The following ADCY2 variants were observed in gnomAD, a reference collection of about 807,000 sequenced individuals.
ADCY2 encodes the protein adenylate cyclase type 2.
In ADCY2, 31 loss-of-function variants were observed where a neutral mutation model predicts 125.2. The ratio of observed to expected loss-of-function variants is 0.25; its 90% CI spans 0.19 to 0.33. The LOEUF is 0.33. Ranked by LOEUF, ADCY2 falls within the 10% of genes least tolerant of loss-of-function variation. The pLI is 1.00. For synonymous variants in ADCY2, 512 were observed against 548.4 expected, an observed-to-expected ratio of 0.93 and a Z score of 0.93; for missense variants, 904 against 1,418.2, an observed-to-expected ratio of 0.64 and a Z score of 5.82.
intron 3 of ADCY2, among the ~76,000 whole-genome samples, chr5:7,546,457 T>C (rs915156791): frequency 1.3e-5 from 2 of 152,112 alleles, no homozygotes; most frequent in Non-Finnish European, 2.9e-5. Flanking sequence ...CTGGGAGAGA[T>C]GAAGCGACTG....
intron 18 of ADCY2, among the ~76,000 whole-genome samples, chr5:7,778,237 G>A (rs1743804303): frequency 6.6e-6 from 1 of 152,232 alleles, no homozygotes; most frequent in African/African-American, 2.4e-5. Context: ...TCTGCAAGAA[G>A]TTGTCAAATT....
chr5:7,415,178 CATTATT>C (rs768647838), intron 2 of ADCY2, among the ~76,000 whole-genome samples: 54 of 152,248 alleles, frequency 3.5e-4, no homozygotes, highest in Admixed American at 6.5e-4. Flanking sequence ...ATATACAATA[CATTATT>C]ATTAACTATG....
At chr5:7,760,766 A>T (rs933856953) in intron 16 of ADCY2, among the ~76,000 whole-genome samples, 1 of 152,174 alleles carries the variant, frequency 6.6e-6, no homozygotes, top group Non-Finnish European at 1.5e-5. Flanking sequence ...TGATTAGAGC[A>T]CCTAAAATCT....
chr5:7,600,095 T>C (rs942959476), intron 3 of ADCY2, among the ~76,000 whole-genome samples: 3 of 152,168 alleles, frequency 2.0e-5, no homozygotes, highest in African/African-American at 7.2e-5. Context: ...CTATGTGGGA[T>C]GGACTTCAGG....
At chr5:7,676,173 T>C (rs1366063214) in intron 4 of ADCY2, among the ~76,000 whole-genome samples, 2 of 152,214 alleles carry the variant, frequency 1.3e-5, no homozygotes, top group African/African-American at 4.8e-5. Context: ...AAGCCTGAGA[T>C]TCATCTACTG....
intron 2 of ADCY2, among the ~76,000 whole-genome samples, chr5:7,455,829 C>T (rs1449981955): frequency 7.0e-6 from 1 of 143,454 alleles, no homozygotes; most frequent in African/African-American, 2.5e-5. Flanking sequence ...ATTATAATGG[C>T]ATACTACATA....
At chr5:7,637,549 T>C (rs1738555014) in intron 4 of ADCY2, among the ~76,000 whole-genome samples, 1 of 152,116 alleles carries the variant, frequency 6.6e-6, no homozygotes, top group Non-Finnish European at 1.5e-5. Context: ...GCTAATGTTC[T>C]AGTAATAGCT....
chr5:7,564,169 T>A (rs1323908203), intron 3 of ADCY2, among the ~76,000 whole-genome samples: 2 of 152,172 alleles, frequency 1.3e-5, no homozygotes, highest in African/African-American at 4.8e-5. Context: ...GATAACACCT[T>A]TCCCCCAAAA....
At position 7,712,861 on chromosome 5, in the gene ADCY2, A is replaced by G. The variant is rs762704301; in HGVS notation, c.1584A>G (p.Val528=). ...AACCTTTTTTCTCAATATAGGATGT[A>G]CCCATGGGTCAGCATAATTTTCAAA... ...TENGKISTTD[V]PMGQHNFQNR... The change falls in exon 11 of 25, where the codon GTA becomes GTG. Residue 528 remains valine, a synonymous_variant. Transcript: ENST00000338316. 7 of 1,607,382 alleles carry G rather than the reference A, an allele frequency of 4.4e-6. No homozygotes were observed. In the South Asian group the frequency reaches 4.4e-5, roughly 10 times the overall value.
intron 2 of ADCY2, among the ~76,000 whole-genome samples, chr5:7,489,558 A>C (rs1290227893): frequency 6.6e-6 from 1 of 152,176 alleles, no homozygotes; most frequent in African/African-American, 2.4e-5. Context: ...GTTCCCCTGC[A>C]CGAGCTCTCT....
In ADCY2 at chr5:7,507,184, GT is replaced by G. The variant is rs528293059; in HGVS notation, c.409-13553del. On this transcript the variant is annotated intron_variant, in intron 2 of 24. Transcript: ENST00000338316. Reference sequence around the variant, plus strand: ...AGGCCGGGCGCGGTGGCTCACGCCTGTAATCCCAGCACTTTGGGAGGCCGAG... The same window carrying G: ...AGGCCGGGCGCGGTGGCTCACGCCTGAATCCCAGCACTTTGGGAGGCCGAG... Among the ~76,000 whole-genome samples the G allele has an allele frequency of 7.0e-3, 1,058 of 150,610 alleles. 17 individuals carry two copies. The highest frequency in any genetic ancestry group is 0.024 in the African/African-American group (993 of 41,048).
rs151295209 is a variant in ADCY2 at position 7,714,904 on chromosome 5, A to T, written c.1622+2005A>T. ...CTGCTTAGACCTATCAGCTCAAGCA[A>T]GGTGTTGGCATGGGCCTGGGGAAGG... On this transcript the variant is annotated intron_variant, in intron 11 of 24. Coordinates refer to ENST00000338316, the MANE Select transcript of ADCY2 (RefSeq NM_020546.3). Among the ~76,000 whole-genome samples the T allele has an allele frequency of 2.2e-3, 331 of 152,302 alleles. 3 individuals are homozygous for T. Among genetic ancestry groups the T allele is most frequent in the African/African-American group, 7.6e-3 (316 of 41,576 alleles).
At chr5:7,501,648 C>CCCCCG (rs1743588681) in intron 2 of ADCY2, among the ~76,000 whole-genome samples, 1 of 81,040 alleles carries the variant, frequency 1.2e-5, no homozygotes, top group Non-Finnish European at 2.6e-5. Flanking sequence ...TTCCCCCCTC[C>CCCCCG]CCCCCCCCCC....
intron 14 of ADCY2, among the ~76,000 whole-genome samples, chr5:7,728,497 G>A (rs1742002050): frequency 6.6e-6 from 1 of 152,144 alleles, no homozygotes; most frequent in Non-Finnish European, 1.5e-5. Flanking sequence ...AGGACTTACA[G>A]AATCTTCAGT....
chr5:7,522,125 G>A (rs1256755282), intron 3 of ADCY2, among the ~76,000 whole-genome samples: 2 of 152,144 alleles, frequency 1.3e-5, no homozygotes, highest in Non-Finnish European at 1.5e-5. Flanking sequence ...GAAGGTGGGT[G>A]TTTTATGTTT....
chr5:7,614,706 G>A (rs1039166686), intron 3 of ADCY2, among the ~76,000 whole-genome samples: 1 of 152,138 alleles, frequency 6.6e-6, no homozygotes, highest in Non-Finnish European at 1.5e-5. Flanking sequence ...CAGGCAAGTG[G>A]GAGGCATGGC....
At chr5:7,518,361 C>T (rs1380444993) in intron 2 of ADCY2, among the ~76,000 whole-genome samples, 1 of 152,166 alleles carries the variant, frequency 6.6e-6, no homozygotes, top group Non-Finnish European at 1.5e-5. Context: ...CCTCCAAAGG[C>T]ATGCCTGATA....
intron 15 of ADCY2, among the ~76,000 whole-genome samples, chr5:7,753,742 C>T (rs1052744145): frequency 6.6e-6 from 1 of 152,048 alleles, no homozygotes; most frequent in Non-Finnish European, 1.5e-5. Flanking sequence ...CCTCTTATCC[C>T]CATCATTGGT....
chr5:7,799,118 C>G (rs1215194790), intron 20 of ADCY2: 1 of 152,242 alleles, frequency 6.6e-6, no homozygotes, highest in African/African-American at 2.4e-5. Flanking sequence ...CGTCTAAACT[C>G]ACTTTCAATT....
Sources: gnomAD v4.1 joint callset for allele counts (sites outside exome capture counted in the v4.1 genomes callset) on GRCh38, gnomAD v4.1.1 for gene constraint, MANE v1.5 for transcripts, NCBI Gene and HGNC (gene_info 2026-07-23, HGNC 2026-07-21) for gene names.